ATXN10: variants seen among roughly 807,000 people sequenced by gnomAD.
The protein encoded by ATXN10 is ataxin-10.
Under a neutral mutation model 52.9 loss-of-function variants are expected in ATXN10, and 28 were observed. The ratio of observed to expected loss-of-function variants is 0.53; its 90% CI spans 0.39 to 0.73. The LOEUF is 0.73. ATXN10 is among the 30% of genes least tolerant of loss of function. ATXN10 has a pLI of 0.00. For missense variants in ATXN10, 565 were observed against 577.0 expected (o/e 0.98, Z 0.21); for synonymous variants, 226 against 221.5 (o/e 1.02, Z -0.18).
rs764165156 is a variant in ATXN10, at chr22:45,715,894, A to T, written c.648-2519A>T. ...AAACTTTTGGAAATTAACACATCTGATTGATTTGTCAAAAAAGAAATCACA... is the reference window on the plus strand; with the variant it reads ...AAACTTTTGGAAATTAACACATCTGTTTGATTTGTCAAAAAAGAAATCACA... On this transcript the variant is annotated intron_variant, in intron 5 of 11. Coordinates refer to ENST00000252934, the MANE Select transcript of ATXN10 (RefSeq NM_013236.4). This position sits in a 1 kb window ranked among gnomAD's most constrained non-coding sequence, Gnocchi z 4.4. Among the ~76,000 whole-genome samples, 35 of 152,226 alleles carry T rather than the reference A, an allele frequency of 2.3e-4. No individual in the cohort carries two copies. Among genetic ancestry groups the T allele is most frequent in the Non-Finnish European group, 5.0e-4 (34 of 68,032 alleles).
rs1466101089 is a variant in ATXN10 at position 45,841,686 on chromosome 22, A to G, written c.1238-1305A>G. ...ACTTAATTGGACAGTCATTTTTACT[A>G]TTTTCTTTTGAGGCTGTTGAATTAG... On this transcript the variant is annotated intron_variant, in intron 10 of 11. Coordinates refer to ENST00000252934, the MANE Select transcript of ATXN10 (RefSeq NM_013236.4). The surrounding 1 kb of genome is among the most constrained non-coding windows in gnomAD (Gnocchi z 5.1). Among the ~76,000 whole-genome samples the G allele has an allele frequency of 6.6e-6, 1 of 152,072 alleles. No individual in the cohort carries two copies. The highest frequency in any genetic ancestry group is 6.5e-5 in the Admixed American group (1 of 15,272).
rs1926317963 is a variant in ATXN10, at chr22:45,759,835, C to T, written c.1173+19297C>T. On this transcript the variant is annotated intron_variant, in intron 9 of 11. Coordinates refer to ENST00000252934, the MANE Select transcript of ATXN10 (RefSeq NM_013236.4). This position sits in a 1 kb window ranked among gnomAD's most constrained non-coding sequence, Gnocchi z 5.4. ...CTCTCTCTTTCTAATTTACATACAG[C>T]TAAACACAGATTTTTAATGAATGGC... Among the ~76,000 whole-genome samples the T allele has an allele frequency of 6.6e-6, 1 of 152,174 alleles. No homozygotes were observed. The highest frequency in any genetic ancestry group is 2.1e-4 in the South Asian group (1 of 4,824).
intron 5 of ATXN10, among the ~76,000 whole-genome samples, chr22:45,707,172 C>T (rs1229777887): frequency 6.6e-6 from 1 of 151,950 alleles, no homozygotes; most frequent in Non-Finnish European, 1.5e-5. Context: ...TTTTCCATAT[C>T]TTTTGCACAT....
In ATXN10 at chr22:45,671,993, C is replaced by T; in HGVS notation, c.-71C>T. On this transcript the variant is annotated 5_prime_UTR_variant, in exon 1 of 12. Coordinates refer to ENST00000252934, the MANE Select transcript of ATXN10 (RefSeq NM_013236.4). ...CCTCGCCATCCTACTCCTCCCTCCT[C>T]GTCATCCTCCCCCTTCGTCCTCCTC... is the stretch of plus-strand genomic sequence containing the variant. The T allele has an allele frequency of 2.7e-6, 4 of 1,496,354 alleles. No individual in the cohort carries two copies. Among genetic ancestry groups the T allele is most frequent in the East Asian group, 2.5e-5 (1 of 39,838 alleles). 92.7% of individuals were successfully genotyped at this position (1,496,354 alleles called of 1,614,324 possible).
chr22:45,794,727 A>G (rs568652337), intron 9 of ATXN10, among the ~76,000 whole-genome samples: 1 of 152,356 alleles, frequency 6.6e-6, no homozygotes, highest in Non-Finnish European at 1.5e-5. Flanking sequence ...TCCAGCCAAA[A>G]TATCCTTCAA....
chr22:45,673,453 C>T (rs1252393308), intron 1 of ATXN10: 2 of 152,200 alleles, frequency 1.3e-5, no homozygotes, highest in East Asian at 3.8e-4. Flanking sequence ...TAATAAAAGT[C>T]CCTGGTACTG....
At position 45,678,108 on chromosome 22, in the gene ATXN10, C is replaced by A. The variant is rs1922773418; in HGVS notation, c.116+5929C>A. ...ATTGGGAGTTACTGCTTCATGTTTACAGAGTTTCTATTTGGGTGTTAAAAA... is the reference window on the plus strand; with the variant it reads ...ATTGGGAGTTACTGCTTCATGTTTAAAGAGTTTCTATTTGGGTGTTAAAAA... On this transcript the variant is annotated intron_variant, in intron 1 of 11. Transcript: ENST00000252934. The surrounding 1 kb of genome is among the most constrained non-coding windows in gnomAD (Gnocchi z 4.1). The A allele has an allele frequency of 6.6e-6, 1 of 152,036 alleles. No individual in the cohort carries two copies. The highest frequency in any genetic ancestry group is 6.6e-5 in the Admixed American group (1 of 15,260). 9.4% of individuals were successfully genotyped at this position (152,036 alleles called of 1,614,324 possible).
chr22:45,719,649 A>G (rs991519612), intron 6 of ATXN10, among the ~76,000 whole-genome samples: 2 of 152,240 alleles, frequency 1.3e-5, no homozygotes, highest in Non-Finnish European at 2.9e-5. Context: ...TCCATAGTCT[A>G]TCAAAATTAT....
At chr22:45,838,314 A>G (rs1929233211) in intron 10 of ATXN10, among the ~76,000 whole-genome samples, 1 of 152,164 alleles carries the variant, frequency 6.6e-6, no homozygotes, top group Non-Finnish European at 1.5e-5. Context: ...GCCATTGAGC[A>G]GTACAAGGTG....
At chr22:45,673,496 G>A (rs767303583) in intron 1 of ATXN10, 22 of 152,164 alleles carry the variant, frequency 1.4e-4, no homozygotes, top group Non-Finnish European at 3.2e-4. Flanking sequence ...TGTATTTATT[G>A]ATTTAATGCT....
intron 10 of ATXN10, among the ~76,000 whole-genome samples, chr22:45,827,664 G>T (rs1337449804): frequency 6.6e-6 from 1 of 151,908 alleles, no homozygotes; most frequent in Non-Finnish European, 1.5e-5. Flanking sequence ...ACTGAAGGAA[G>T]AAATAGTTCT....
At chr22:45,710,449 C>A (rs527615781) in intron 5 of ATXN10, among the ~76,000 whole-genome samples, 1 of 152,298 alleles carries the variant, frequency 6.6e-6, no homozygotes, top group African/African-American at 2.4e-5. Flanking sequence ...AAACCCGTAT[C>A]GCTTTACTCT....
Position 45,770,200 on chromosome 22 carries a change from T to C in ATXN10, c.1173+29662T>C, listed in dbSNP as rs1330535081. Among the ~76,000 whole-genome samples the C allele has an allele frequency of 6.6e-6, 1 of 152,212 alleles. No homozygotes were observed. The highest frequency in any genetic ancestry group is 2.4e-5 in the African/African-American group (1 of 41,448). On this transcript the variant is annotated intron_variant, in intron 9 of 11. Coordinates refer to ENST00000252934, the MANE Select transcript of ATXN10 (RefSeq NM_013236.4). The surrounding 1 kb of genome is among the most constrained non-coding windows in gnomAD (Gnocchi z 4.5). ...TCAAAAGTAATTTGCCCAAACAATT[T>C]ACAGCAAATATGATTGAAACCCATA...
intron 5 of ATXN10, among the ~76,000 whole-genome samples, chr22:45,707,847 G>A (rs2146761239): frequency 6.6e-6 from 1 of 152,132 alleles, no homozygotes; most frequent in South Asian, 2.1e-4. Flanking sequence ...ATATCCAGAG[G>A]CTTCTGACGA....
chr22:45,753,445 G>T (rs145232480), intron 9 of ATXN10, among the ~76,000 whole-genome samples: 4,025 of 123,948 alleles, frequency 0.032, 295 homozygotes, highest in African/African-American at 0.12. Context: ...TCTCGCTCTT[G>T]CCCAGGCTGG....
rs1922806344 is a variant in ATXN10 at position 45,678,925 on chromosome 22, TAA to T, written c.116+6750_116+6751del. The T allele has an allele frequency of 6.6e-6, 1 of 152,254 alleles. No homozygotes were observed. Among genetic ancestry groups the T allele is most frequent in the South Asian group, 2.1e-4 (1 of 4,834 alleles). The allele number at this position is 152,254 out of a possible 1,614,324, so 9.4% of individuals were successfully genotyped here. On this transcript the variant is annotated intron_variant, in intron 1 of 11. Transcript: ENST00000252934. This position sits in a 1 kb window ranked among gnomAD's most constrained non-coding sequence, Gnocchi z 4.1. ...TAAATTTAATACATTTGTAATTTGC[TAA>T]AAATGTATATTTGTAATTTATATTT...
Position 45,766,747 on chromosome 22 carries a change from A to G in ATXN10, c.1173+26209A>G, listed in dbSNP as rs1343004073. 6.6e-6 allele frequency among the ~76,000 whole-genome samples: 1 copy of G among 152,360 alleles called. No individual in the cohort carries two copies. The highest frequency in any genetic ancestry group is 1.9e-4 in the East Asian group (1 of 5,192). ...AAAATGATAAAGAAAAAATAGTGGA[A>G]AAGATTTGCAACTTAAATCACAAAC... is the stretch of plus-strand genomic sequence containing the variant. On this transcript the variant is annotated intron_variant, in intron 9 of 11. Transcript: ENST00000252934. The surrounding 1 kb of genome is among the most constrained non-coding windows in gnomAD (Gnocchi z 4.6).
intron 3 of ATXN10, among the ~76,000 whole-genome samples, chr22:45,693,802 A>G (rs550510513): frequency 8.5e-5 from 13 of 152,324 alleles, no homozygotes; most frequent in African/African-American, 3.1e-4. Flanking sequence ...AGTAGAGACC[A>G]TGTGAAGACA....
chr22:45,742,019 C>G (rs1925555536), intron 9 of ATXN10, among the ~76,000 whole-genome samples: 1 of 152,158 alleles, frequency 6.6e-6, no homozygotes, highest in African/African-American at 2.4e-5. Flanking sequence ...ACCCCAAACT[C>G]TGGGTGTCAG....
Sources: allele counts gnomAD v4.1 joint callset (sites outside exome capture counted in the v4.1 genomes callset), GRCh38; gene constraint gnomAD v4.1.1; non-coding constraint Gnocchi (gnomAD v3.1); transcripts MANE v1.5; gene names NCBI Gene and HGNC (gene_info 2026-07-23, HGNC 2026-07-21).